The following PTPRO variants were observed in gnomAD, a reference collection of about 807,000 sequenced individuals.
The protein encoded by PTPRO is protein tyrosine phosphatase receptor type O.
PTPRO carries 62 observed loss-of-function variants against 145.2 expected under a neutral mutation model. The observed-to-expected ratio is 0.43, with a 90% CI of 0.35 to 0.53. The LOEUF is 0.53. Ranked by LOEUF, PTPRO falls within the 20% of genes least tolerant of loss-of-function variation. PTPRO has a pLI of 0.01. For synonymous variants in PTPRO, 565 were observed against 514.7 expected, an observed-to-expected ratio of 1.10 and a Z score of -1.32; for missense variants, 1,345 against 1,482.7, an observed-to-expected ratio of 0.91 and a Z score of 1.53.
intron 23 of PTPRO, among the ~76,000 whole-genome samples, chr12:15,585,287 T>C (rs994998352): frequency 1.3e-5 from 2 of 152,222 alleles, no homozygotes; most frequent in Non-Finnish European, 2.9e-5. Flanking sequence ...TGAGTATTCT[T>C]AAATCCTCAT....
intron 19 of PTPRO, 139 bp downstream of exon 19, chr12:15,569,637 T>C: frequency 2.7e-6 from 2 of 747,224 alleles, no homozygotes; most frequent in African/African-American, 3.5e-5. Flanking sequence ...GATCTGCTGG[T>C]TTAGAGCAAG....
intron 8 of PTPRO, among the ~76,000 whole-genome samples, chr12:15,516,121 G>A (rs1459731963): frequency 6.6e-6 from 1 of 150,834 alleles, no homozygotes; most frequent in Non-Finnish European, 1.5e-5. Context: ...CTCCTGAGCA[G>A]CTGGGACTAC....
At chr12:15,473,671 G>A (rs1245551979) in intron 1 of PTPRO, among the ~76,000 whole-genome samples, 1 of 150,936 alleles carries the variant, frequency 6.6e-6, no homozygotes, top group Non-Finnish European at 1.5e-5. Context: ...GGAGGCTGAG[G>A]CAGCAGAATT....
At chr12:15,376,130 C>CA (rs1938679512) in intron 1 of PTPRO, among the ~76,000 whole-genome samples, 1 of 151,802 alleles carries the variant, frequency 6.6e-6, no homozygotes, top group Non-Finnish European at 1.5e-5. Context: ...TTTGATGAAA[C>CA]ACATAAGATA....
chr12:15,482,584 TG>T (rs1317612643), intron 1 of PTPRO, among the ~76,000 whole-genome samples: 6 of 152,178 alleles, frequency 3.9e-5, no homozygotes. Flanking sequence ...TTAATCACCC[TG>T]ATTTGCTCAT....
At chr12:15,333,665 C>T (rs1014778144) in intron 1 of PTPRO, among the ~76,000 whole-genome samples, 6 of 152,148 alleles carry the variant, frequency 3.9e-5, no homozygotes, top group African/African-American at 1.4e-4. Context: ...GCCACTGAGT[C>T]GGGCTGGGGA....
intron 1 of PTPRO, among the ~76,000 whole-genome samples, chr12:15,336,045 C>G (rs925368868): frequency 6.6e-6 from 1 of 151,986 alleles, no homozygotes; most frequent in Non-Finnish European, 1.5e-5. Context: ...TCATCATGCA[C>G]GAGAATTCTG....
intron 1 of PTPRO, among the ~76,000 whole-genome samples, chr12:15,360,978 A>G (rs569631365): frequency 1.3e-5 from 2 of 149,144 alleles, no homozygotes; most frequent in South Asian, 4.3e-4. Context: ...ACACACGTAT[A>G]TATACACACA....
intron 12 of PTPRO, among the ~76,000 whole-genome samples, chr12:15,531,430 A>G (rs1003145762): frequency 1.3e-5 from 2 of 152,190 alleles, no homozygotes; most frequent in Admixed American, 6.5e-5. Context: ...TTGCAAATGA[A>G]CTGGATCTTT....
At chr12:15,505,303 A>G (rs1042030485) in intron 6 of PTPRO, among the ~76,000 whole-genome samples, 2 of 152,178 alleles carry the variant, frequency 1.3e-5, no homozygotes, top group East Asian at 1.9e-4. Flanking sequence ...GATTTATTTT[A>G]TGTACATCTT....
intron 1 of PTPRO, among the ~76,000 whole-genome samples, chr12:15,446,735 A>G (rs1179643184): frequency 6.6e-6 from 1 of 151,302 alleles, no homozygotes; most frequent in Non-Finnish European, 1.5e-5. Context: ...CTTAGGGTAA[A>G]TAAATATAAG....
intron 1 of PTPRO, among the ~76,000 whole-genome samples, chr12:15,407,584 G>A (rs1426940607): frequency 6.6e-6 from 1 of 151,014 alleles, no homozygotes; most frequent in African/African-American, 2.5e-5. Context: ...AGCTATGTGT[G>A]TATTGTGTAA....
intron 13 of PTPRO, among the ~76,000 whole-genome samples, chr12:15,548,232 A>G (rs1197810315): frequency 1.3e-5 from 2 of 152,184 alleles, no homozygotes; most frequent in East Asian, 1.9e-4. Flanking sequence ...AAACTACAAT[A>G]TACAATTTTC....
rs79314839 is a variant in PTPRO at position 15,530,217 on chromosome 12, T to C, written c.2164+3955T>C. Among the ~76,000 whole-genome samples, 204 of 152,236 alleles carry C rather than the reference T, an allele frequency of 1.3e-3. 2 individuals are homozygous for C. The East Asian group carries it at 0.038, about 28-fold the overall frequency. On this transcript the variant is annotated intron_variant, in intron 12 of 26. Transcript: ENST00000281171. Reference sequence around the variant, plus strand: ...TCTATGCACCCAACACTGGAGCTCCTAAGTAAATAAAGTAAACATTAATAG... The same window carrying C: ...TCTATGCACCCAACACTGGAGCTCCCAAGTAAATAAAGTAAACATTAATAG...
rs914726616 is a variant in PTPRO, at chr12:15,503,190, A to T, written c.1106-718A>T. Among the ~76,000 whole-genome samples, 7 of 152,106 alleles carry T rather than the reference A, an allele frequency of 4.6e-5. No homozygotes were observed. The East Asian group carries it at 9.6e-4, about 21-fold the overall frequency. ...CAAATAGGATCTTGTCATTACAAAA[A>T]TTTTTTACTGCCTCTTCTCATGAAG... On this transcript the variant is annotated intron_variant, in intron 5 of 26. Coordinates refer to ENST00000281171, the MANE Select transcript of PTPRO (RefSeq NM_030667.3).
intron 12 of PTPRO, among the ~76,000 whole-genome samples, chr12:15,536,907 A>G (rs1019380389): frequency 6.6e-6 from 1 of 152,234 alleles, no homozygotes; most frequent in Admixed American, 6.5e-5. Flanking sequence ...ATACTTGTTT[A>G]GGTCAGACTG....
At chr12:15,501,012 C>T (rs1004192703) in intron 4 of PTPRO, among the ~76,000 whole-genome samples, 19 of 152,298 alleles carry the variant, frequency 1.2e-4, no homozygotes, top group Non-Finnish European at 1.0e-4. Flanking sequence ...GCAGAGACTA[C>T]GCAGTGCGTC....
At chr12:15,342,657 A>G (rs1469397778) in intron 1 of PTPRO, among the ~76,000 whole-genome samples, 1 of 152,186 alleles carries the variant, frequency 6.6e-6, no homozygotes. Context: ...GTGGAACCCT[A>G]GTTCTCTGCC....
intron 2 of PTPRO, among the ~76,000 whole-genome samples, chr12:15,488,924 T>G (rs1034986666): frequency 8.5e-5 from 13 of 152,114 alleles, no homozygotes; most frequent in African/African-American, 3.1e-4. Context: ...CCTTGGAAAT[T>G]GAGGAAATGT....
Sources: allele counts gnomAD v4.1 joint callset (sites outside exome capture counted in the v4.1 genomes callset), GRCh38; gene constraint gnomAD v4.1.1; transcripts MANE v1.5; gene names NCBI Gene and HGNC (gene_info 2026-07-23, HGNC 2026-07-21).